The following DFFB variants were observed in gnomAD, a reference collection of about 807,000 sequenced individuals.
DFFB encodes DNA fragmentation factor subunit beta.
In DFFB, 29 loss-of-function variants were observed where a neutral mutation model predicts 32.7. The observed-to-expected ratio is 0.89, with a 90% CI of 0.66 to 1.21. DFFB has a LOEUF of 1.21. DFFB is among the 50% of genes most tolerant of loss of function. The pLI, the probability that DFFB is intolerant of heterozygous loss-of-function variation, is 0.00. For synonymous variants in DFFB, 170 were observed against 177.1 expected (o/e 0.96, Z 0.32); for missense variants, 398 against 440.6 (o/e 0.90, Z 0.87).
Position 3,866,217 on chromosome 1 carries a change from C to T in DFFB, c.430+217C>T, listed in dbSNP as rs867080659. On this transcript the variant is annotated intron_variant, in intron 3 of 6. Coordinates refer to ENST00000378209, the MANE Select transcript of DFFB (RefSeq NM_004402.4). ...CAGGTGGGGCCAGAGTCCAGGGCAG[C>T]CCTCGGATGGGACTTTTTATATTTT... is the stretch of plus-strand genomic sequence containing the variant. 1.6e-5 allele frequency: 11 copies of T among 684,710 alleles called. 1 individual carries two copies. Among genetic ancestry groups the T allele is most frequent in the Middle Eastern group, 4.7e-4 (2 of 4,214 alleles). 42.4% of individuals were successfully genotyped at this position (684,710 alleles called of 1,614,324 possible).
chr1:3,884,635 A>G lies in DFFB; in HGVS notation c.*894A>G, dbSNP rs1280166394. On this transcript the variant is annotated 3_prime_UTR_variant, in exon 7 of 7. Transcript: ENST00000378209. ...GCTCAGGCTGGAGTGCAGTGATGCAATCTTGGCTCACTGCAACCTCCGCCT... is the reference window on the plus strand; with the variant it reads ...GCTCAGGCTGGAGTGCAGTGATGCAGTCTTGGCTCACTGCAACCTCCGCCT... 2 of 152,050 alleles carry G rather than the reference A, an allele frequency of 1.3e-5. No homozygotes were observed. Among genetic ancestry groups the G allele is most frequent in the African/African-American group, 2.4e-5 (1 of 41,344 alleles). The allele number at this position is 152,050 out of a possible 1,614,324, so 9.4% of individuals were successfully genotyped here.
rs368455033 is a variant in DFFB, at chr1:3,869,809, G to A, written c.681+34G>A. The A allele has an allele frequency of 5.0e-4, 782 of 1,559,020 alleles. 3 individuals carry two copies. Among genetic ancestry groups the A allele is most frequent in the South Asian group, 2.2e-3 (186 of 85,456 alleles). On this transcript the variant is annotated intron_variant, in intron 5 of 6. Coordinates refer to ENST00000378209, the MANE Select transcript of DFFB (RefSeq NM_004402.4). ...TGTGCCCTTTATCCTGGGGCCACCCGGCTGGCCTGTGGAACACAGCCCGCC... is the reference window on the plus strand; with the variant it reads ...TGTGCCCTTTATCCTGGGGCCACCCAGCTGGCCTGTGGAACACAGCCCGCC...
chr1:3,876,087 T>G (rs1242361332), intron 6 of DFFB, among the ~76,000 whole-genome samples: 2 of 152,168 alleles, frequency 1.3e-5, no homozygotes, highest in Non-Finnish European at 2.9e-5. Context: ...CCACAACAAG[T>G]TTTCAGTGTT....
intron 5 of DFFB, among the ~76,000 whole-genome samples, chr1:3,870,033 G>A (rs376626141): frequency 1.1e-4 from 17 of 152,368 alleles, no homozygotes; most frequent in East Asian, 7.7e-4. Context: ...AGTGCTGGGC[G>A]GTGTCTTAGT....
intron 4 of DFFB, among the ~76,000 whole-genome samples, chr1:3,868,673 C>T (rs140034039): frequency 0.014 from 116 of 8,336 alleles, 2 homozygotes; most frequent in Middle Eastern, 0.071. Context: ...CACCACACCA[C>T]ACCACGCCAC....
chr1:3,868,281 G>A (rs933297440), intron 4 of DFFB, among the ~76,000 whole-genome samples: 13 of 152,114 alleles, frequency 8.5e-5, no homozygotes, highest in Admixed American at 3.3e-4. Context: ...TTGAGGTCAC[G>A]GGTTGGGGAG....
chr1:3,874,460 G>A lies in DFFB; in HGVS notation c.782+1888G>A, dbSNP rs573313920. Among the ~76,000 whole-genome samples the A allele has an allele frequency of 1.1e-4, 5 of 44,220 alleles. 1 individual carries two copies. The highest frequency in any genetic ancestry group is 2.7e-3 in the South Asian group (2 of 738). 29.0% of individuals were successfully genotyped at this position (44,220 alleles called of 152,430 possible). ...GTGTAGCTGCACCTTTACCACACGC[G>A]TGTGGGTTTAACATGCACATACGTG... is the stretch of plus-strand genomic sequence containing the variant. On this transcript the variant is annotated intron_variant, in intron 6 of 6. Coordinates refer to ENST00000378209, the MANE Select transcript of DFFB (RefSeq NM_004402.4).
chr1:3,874,223 C>T (rs1010410612), intron 6 of DFFB, among the ~76,000 whole-genome samples: 6 of 147,732 alleles, frequency 4.1e-5, no homozygotes, highest in African/African-American at 1.5e-4. Flanking sequence ...CTTTACCACA[C>T]GCATGTGAGT....
At chr1:3,872,045 G>A (rs920083987) in intron 5 of DFFB, among the ~76,000 whole-genome samples, 2 of 152,192 alleles carry the variant, frequency 1.3e-5, no homozygotes, top group Non-Finnish European at 2.9e-5. Context: ...TCCCACACTA[G>A]TGCTGACATT....
At chr1:3,877,484 C>A (rs1377822970) in intron 6 of DFFB, among the ~76,000 whole-genome samples, 1 of 151,940 alleles carries the variant, frequency 6.6e-6, no homozygotes, top group African/African-American at 2.4e-5. Flanking sequence ...TGCGTGCCAC[C>A]CCGCCTGGCT....
chr1:3,868,167 T>A, intron 4 of DFFB, 114 bp downstream of exon 4: 1 of 944,274 alleles, frequency 1.1e-6, no homozygotes, highest in Non-Finnish European at 1.7e-6. Flanking sequence ...ACTCCGTGCT[T>A]GCGTGGATCT....
At chr1:3,876,953 T>A (rs913397509) in intron 6 of DFFB, among the ~76,000 whole-genome samples, 2 of 152,222 alleles carry the variant, frequency 1.3e-5, no homozygotes, top group African/African-American at 4.8e-5. Context: ...AGCGTCCGTG[T>A]GGGCTCTGGG....
intron 6 of DFFB, among the ~76,000 whole-genome samples, chr1:3,878,325 T>C (rs1360246888): frequency 2.0e-5 from 3 of 152,086 alleles, no homozygotes; most frequent in African/African-American, 7.2e-5. Context: ...CTAATTTTTG[T>C]ATTTTTAATA....
intron 2 of DFFB, chr1:3,860,539 A>C (rs1158408723): frequency 5.4e-6 from 2 of 367,876 alleles, no homozygotes; most frequent in Non-Finnish European, 1.1e-5. Context: ...TAAACCGTTT[A>C]TTTAGAAATA....
intron 6 of DFFB, among the ~76,000 whole-genome samples, chr1:3,877,041 T>C (rs1020785658): frequency 6.6e-6 from 1 of 152,126 alleles, no homozygotes. Context: ...AAAGCTCCCC[T>C]TTCCTGGAGC....
chr1:3,866,008 G>A lies in DFFB; in HGVS notation c.430+8G>A. 3 of 1,542,136 alleles carry A rather than the reference G, an allele frequency of 1.9e-6. No homozygotes were observed. The highest frequency in any genetic ancestry group is 2.6e-6 in the Non-Finnish European group (3 of 1,145,054). Reference sequence around the variant, plus strand: ...ACCCGCCGTGGTTTGAAGGTGCGTGGGGGCTGCAGCTGGCAGGGGAGAGGC... The same window carrying A: ...ACCCGCCGTGGTTTGAAGGTGCGTGAGGGCTGCAGCTGGCAGGGGAGAGGC... On this transcript the variant is annotated splice_region_variant and intron_variant, in intron 3 of 6. Coordinates refer to ENST00000378209, the MANE Select transcript of DFFB (RefSeq NM_004402.4).
intron 2 of DFFB, chr1:3,860,490 A>G (rs1193859371): frequency 2.3e-6 from 1 of 438,670 alleles, no homozygotes; most frequent in South Asian, 1.6e-5. Flanking sequence ...TGGTCTCCTA[A>G]AGTGCTGGGA....
intron 6 of DFFB, among the ~76,000 whole-genome samples, chr1:3,881,212 C>T (rs1645330327): frequency 6.6e-6 from 1 of 152,206 alleles, no homozygotes; most frequent in South Asian, 2.1e-4. Context: ...AGGGCCCAGC[C>T]CTAGGCCACC....
chr1:3,884,271 CG>C lies in DFFB; in HGVS notation c.*533del, dbSNP rs1387954490. On this transcript the variant is annotated 3_prime_UTR_variant, in exon 7 of 7. Transcript: ENST00000378209. ...GGATGTCTGTGAGTACCTGGTCATA[CG>C]GGTCAGTAGGGATAAGAATTGTCTC... 1 of 167,392 alleles carries C rather than the reference CG, an allele frequency of 6.0e-6. No individual in the cohort carries two copies. The highest frequency in any genetic ancestry group is 1.3e-5 in the Non-Finnish European group (1 of 76,362). The allele number at this position is 167,392 out of a possible 1,614,324, so 10.4% of individuals were successfully genotyped here. A position where few individuals can be genotyped will look rare whatever the true frequency, so the allele number is the denominator to read the frequency against.
Sources: gnomAD v4.1 joint callset for allele counts (sites outside exome capture counted in the v4.1 genomes callset) on GRCh38, gnomAD v4.1.1 for gene constraint, MANE v1.5 for transcripts, NCBI Gene and HGNC (gene_info 2026-07-23, HGNC 2026-07-21) for gene names.